RBM27: variants seen among roughly 807,000 people sequenced by gnomAD.
RBM27 encodes the protein RNA binding motif protein 27, also known as RNA-binding protein 27.
RBM27 carries 22 observed loss-of-function variants against 135.3 expected under a neutral mutation model. That is an observed-to-expected ratio of 0.16 (90% CI 0.12 to 0.23). The LOEUF is 0.23. RBM27 is among the 10% of genes least tolerant of loss of function. The pLI, the probability that RBM27 is intolerant of heterozygous loss-of-function variation, is 1.00. For missense variants in RBM27, 1,009 were observed against 1,281.0 expected (o/e 0.79, Z 3.24); for synonymous variants, 481 against 442.4 (o/e 1.09, Z -1.10).
chr5:146,249,577 C>G (rs1428154122), intron 8 of RBM27, among the ~76,000 whole-genome samples: 1 of 150,302 alleles, frequency 6.7e-6, no homozygotes, highest in Non-Finnish European at 1.5e-5. Context: ...ATCCCAGCTA[C>G]TAGGGAGGCT....
At chr5:146,245,186 T>C (rs1168926724) in intron 8 of RBM27, 1 of 151,968 alleles carries the variant, frequency 6.6e-6, no homozygotes, top group African/African-American at 2.4e-5. Flanking sequence ...TTTTTTTTTT[T>C]GCATGGGGGT....
chr5:146,278,344 A>G (rs1208401306), intron 19 of RBM27, among the ~76,000 whole-genome samples: 1 of 152,140 alleles, frequency 6.6e-6, no homozygotes, highest in Non-Finnish European at 1.5e-5. Context: ...ATTTTATTTG[A>G]ATTATTTCCT....
Position 146,219,001 on chromosome 5 carries a change from T to C in RBM27, c.76T>C (p.Ser26Pro). The change falls in exon 2 of 21, where the codon TCA (serine) becomes CCA (proline). Residue 26 changes from serine (S) to proline (P), a missense_variant. Coordinates refer to ENST00000265271, the MANE Select transcript of RBM27 (RefSeq NM_018989.2). ...TCTAACTAGATGTGATGCTGATCCT[T>C]CAGCCTTAGCCAACTATGTTGTAGC... Reference protein sequence around the residue: ...LLEPICDADPSALANYVVALV... With the variant: ...LLEPICDADPPALANYVVALV... The C allele has an allele frequency of 6.2e-7, 1 of 1,606,112 alleles. No homozygotes were observed. The highest frequency in any genetic ancestry group is 8.5e-7 in the Non-Finnish European group (1 of 1,177,432).
Position 146,230,931 on chromosome 5 carries a change from C to G in RBM27, c.850+14C>G. 1 of 1,612,496 alleles carries G rather than the reference C, an allele frequency of 6.2e-7. No individual in the cohort carries two copies. The highest frequency in any genetic ancestry group is 8.5e-7 in the Non-Finnish European group (1 of 1,178,836). On this transcript the variant is annotated intron_variant, in intron 6 of 20. Coordinates refer to ENST00000265271, the MANE Select transcript of RBM27 (RefSeq NM_018989.2). The stretch of plus-strand genomic sequence containing the variant: ...GAGATTATGATGGTAAAAATCACCA[C>G]CTTTTCTCATATTGTGCCCAAAAGT...
At chr5:146,285,047 G>C (rs1372336185) in intron 20 of RBM27, among the ~76,000 whole-genome samples, 3 of 152,006 alleles carry the variant, frequency 2.0e-5, no homozygotes, top group African/African-American at 7.2e-5. Flanking sequence ...ACTTTAATTG[G>C]TTGGTTTCAC....
At chr5:146,240,524 G>A (rs1225841335) in intron 8 of RBM27, among the ~76,000 whole-genome samples, 2 of 152,142 alleles carry the variant, frequency 1.3e-5, no homozygotes, top group African/African-American at 4.8e-5. Context: ...ATGGGGTTTT[G>A]CCATGTTGGC....
At chr5:146,242,605 A>T (rs1561543499) in intron 8 of RBM27, among the ~76,000 whole-genome samples, 5 of 151,804 alleles carry the variant, frequency 3.3e-5, no homozygotes, top group Admixed American at 2.6e-4. Context: ...TTATTTATTT[A>T]TTTTTTTAGA....
chr5:146,263,735 TAAG>T, intron 14 of RBM27, 104 bp downstream of exon 14: 1 of 1,320,814 alleles, frequency 7.6e-7, no homozygotes. Flanking sequence ...ACAGTTAACC[TAAG>T]TGTGGCAGGT....
At position 146,269,438 on chromosome 5, in the gene RBM27, G is replaced by GA. The variant is rs1272971717; in HGVS notation, c.2552dup (p.Asn851LysfsTer29). On this transcript the variant is annotated frameshift_variant, in exon 17 of 21. Coordinates refer to ENST00000265271, the MANE Select transcript of RBM27 (RefSeq NM_018989.2). LOFTEE classifies it high-confidence loss of function. ...TTCGTAGATGTTAATATCCAAGTTA[G>GA]AAAAAAACAAAAACATGAAACCAGA... 6.4e-7 allele frequency: 1 copy of GA among 1,557,816 alleles called. No homozygotes were observed. Among genetic ancestry groups the GA allele is most frequent in the Non-Finnish European group, 8.7e-7 (1 of 1,156,040 alleles).
In RBM27 at chr5:146,285,957, C is replaced by A. The variant is rs548500021; in HGVS notation, c.3110C>A (p.Thr1037Asn). The change falls in exon 21 of 21, where the codon ACC becomes AAC. Residue 1037 changes from threonine to asparagine, a missense_variant. Around this residue, in one of 6 missense-constraint regions of RBM27, gnomAD observed 7 missense variants for 30.0 expected, o/e 0.23. Transcript: ENST00000265271. ...CCTCTCTTTCTTCAGGAAACAGAAA[C>A]CTCAGATTTGTTTTTGCCTGATGAT... Reference protein sequence around the residue: ...EEEVKEEETETSDLFLPDDDD... With the variant: ...EEEVKEEETENSDLFLPDDDD... The A allele has an allele frequency of 6.2e-7, 1 of 1,611,984 alleles. No individual in the cohort carries two copies. Among genetic ancestry groups the A allele is most frequent in the South Asian group, 1.1e-5 (1 of 90,838 alleles).
chr5:146,211,684 T>G (rs768173917), intron 1 of RBM27, among the ~76,000 whole-genome samples: 9 of 151,784 alleles, frequency 5.9e-5, no homozygotes, highest in Admixed American at 1.3e-4. Context: ...TTGCTCCATG[T>G]TGGTCAGGCT....
At chr5:146,234,589 A>AT (rs1040683498) in intron 7 of RBM27, among the ~76,000 whole-genome samples, 15 of 152,204 alleles carry the variant, frequency 9.9e-5, no homozygotes, top group African/African-American at 3.6e-4. Flanking sequence ...TAAAATGGTC[A>AT]TTTAAAAAGC....
intron 1 of RBM27, among the ~76,000 whole-genome samples, chr5:146,211,464 C>CTTTTTTTTTGTTTTTT (rs1755944378): frequency 8.0e-5 from 4 of 49,930 alleles, no homozygotes; most frequent in South Asian, 1.1e-3. Context: ...ATGGTCTTAT[C>CTTTTTTTTTGTTTTTT]TTTTTTTTTT....
intron 13 of RBM27, among the ~76,000 whole-genome samples, chr5:146,262,863 C>T (rs1241674471): frequency 6.6e-6 from 1 of 151,808 alleles, no homozygotes; most frequent in Non-Finnish European, 1.5e-5. Flanking sequence ...AGTTAAGACC[C>T]CCTAATTCTT....
intron 1 of RBM27, among the ~76,000 whole-genome samples, chr5:146,207,648 G>A (rs1451297988): frequency 2.0e-5 from 3 of 151,200 alleles, no homozygotes; most frequent in Non-Finnish European, 2.9e-5. Context: ...GCATGTAACG[G>A]GAGATATTTC....
At chr5:146,268,634 G>A (rs952064588) in intron 15 of RBM27, among the ~76,000 whole-genome samples, 5 of 151,998 alleles carry the variant, frequency 3.3e-5, no homozygotes, top group Admixed American at 6.6e-5. Context: ...CTCACGTTGA[G>A]TGCAGTGTCA....
intron 3 of RBM27, among the ~76,000 whole-genome samples, chr5:146,228,081 C>T (rs1328013259): frequency 2.0e-5 from 3 of 152,108 alleles, no homozygotes; most frequent in Non-Finnish European, 2.9e-5. Context: ...CCTACACTAC[C>T]ATTCCCTACT....
intron 1 of RBM27, among the ~76,000 whole-genome samples, chr5:146,214,531 A>T (rs1316871387): frequency 3.3e-5 from 5 of 152,184 alleles, no homozygotes; most frequent in African/African-American, 1.2e-4. Context: ...CTTGTTGAGT[A>T]GTTAGCATTG....
intron 7 of RBM27, among the ~76,000 whole-genome samples, chr5:146,236,559 T>C (rs558720499): frequency 6.6e-6 from 1 of 152,214 alleles, no homozygotes; most frequent in South Asian, 2.1e-4. Context: ...TATTAAATTC[T>C]TTAATTCTAT....
Sources: gnomAD v4.1 joint callset for allele counts (sites outside exome capture counted in the v4.1 genomes callset) on GRCh38, gnomAD v4.1.1 for gene constraint, gnomAD v4.1.1 regional missense constraint, MANE v1.5 for transcripts, NCBI Gene and HGNC (gene_info 2026-07-23, HGNC 2026-07-21) for gene names.